The following MCTP1 variants were observed in gnomAD, a reference collection of about 807,000 sequenced individuals.
The protein encoded by MCTP1 is multiple C2 and transmembrane domain-containing protein 1.
In MCTP1, 69 loss-of-function variants were observed where a neutral mutation model predicts 120.6. The ratio of observed to expected loss-of-function variants is 0.57; its 90% confidence interval spans 0.47 to 0.70. The LOEUF (loss-of-function observed/expected upper bound fraction) is 0.70, where lower values mean the gene tolerates loss of function less well. Among genes scored for constraint, MCTP1 ranks in the 30% least tolerant of loss-of-function variants. The pLI is 0.00. For missense variants in MCTP1, 1,203 were observed against 1,248.8 expected (o/e 0.96, Z 0.55); for synonymous variants, 529 against 493.1 (o/e 1.07, Z -0.96).
intron 1 of MCTP1, among the ~76,000 whole-genome samples, chr5:95,048,633 C>A (rs1745149051): frequency 6.6e-6 from 1 of 152,146 alleles, no homozygotes; most frequent in Non-Finnish European, 1.5e-5. Flanking sequence ...GCCCAAGTAC[C>A]AAACTTGCTG....
At chr5:94,967,537 G>A (rs1825903187) in intron 2 of MCTP1, among the ~76,000 whole-genome samples, 1 of 152,200 alleles carries the variant, frequency 6.6e-6, no homozygotes, top group Non-Finnish European at 1.5e-5. Context: ...TATCCCTGAT[G>A]ACACTGTAAA....
chr5:94,889,309 C>T (rs1802008517), intron 11 of MCTP1, among the ~76,000 whole-genome samples: 1 of 152,048 alleles, frequency 6.6e-6, no homozygotes, highest in African/African-American at 2.4e-5. Context: ...TAAATTCAGG[C>T]CGGGAGCAGT....
intron 5 of MCTP1, among the ~76,000 whole-genome samples, chr5:94,934,737 G>GTTTTT (rs3030499): frequency 4.4e-5 from 6 of 136,578 alleles, no homozygotes; most frequent in African/African-American, 1.1e-4. Flanking sequence ...AGATAAAGAA[G>GTTTTT]TTTTTTTTTT....
intron 19 of MCTP1, among the ~76,000 whole-genome samples, chr5:94,774,889 C>A (rs1033880384): frequency 6.6e-6 from 1 of 152,128 alleles, no homozygotes; most frequent in East Asian, 1.9e-4. Context: ...CTAGAAAATG[C>A]CATTTTGTCA....
intron 1 of MCTP1, among the ~76,000 whole-genome samples, chr5:95,149,928 G>A (rs930824332): frequency 6.6e-6 from 1 of 152,070 alleles, no homozygotes; most frequent in Non-Finnish European, 1.5e-5. Flanking sequence ...ACTTCTCCTG[G>A]TTTCACATTG....
At chr5:95,146,492 C>T (rs1229969242) in intron 1 of MCTP1, among the ~76,000 whole-genome samples, 1 of 152,126 alleles carries the variant, frequency 6.6e-6, no homozygotes, top group Non-Finnish European at 1.5e-5. Context: ...AATTTGAAAT[C>T]TTTCTAACTT....
At chr5:95,130,233 T>G (rs1236811723) in intron 1 of MCTP1, among the ~76,000 whole-genome samples, 3 of 152,208 alleles carry the variant, frequency 2.0e-5, no homozygotes, top group African/African-American at 7.2e-5. Context: ...TAAATCCTAT[T>G]GATTCTGTTG....
At chr5:94,863,537 T>C (rs27901) in intron 17 of MCTP1, among the ~76,000 whole-genome samples, 37,265 of 151,784 alleles carry the variant, frequency 0.25, 4,889 homozygotes, top group Middle Eastern at 0.34. Context: ...AATGTGAATA[T>C]TAAGACTTAA....
intron 17 of MCTP1, among the ~76,000 whole-genome samples, chr5:94,825,262 G>T (rs12108971): frequency 0.037 from 5,698 of 152,200 alleles, 380 homozygotes; most frequent in African/African-American, 0.13. Context: ...TGGTTTCAAA[G>T]AACTTATTTA....
intron 1 of MCTP1, among the ~76,000 whole-genome samples, chr5:95,201,728 C>T (rs549225197): frequency 6.6e-6 from 1 of 151,944 alleles, no homozygotes; most frequent in African/African-American, 2.4e-5. Context: ...TGGTCTCAAA[C>T]TCCTGACCTC....
chr5:94,814,152 T>C (rs1055590935), intron 17 of MCTP1, among the ~76,000 whole-genome samples: 5 of 152,186 alleles, frequency 3.3e-5, no homozygotes, highest in African/African-American at 1.2e-4. Context: ...TGTTATGACA[T>C]ATAAATTATA....
At chr5:95,201,345 A>G (rs1311450653) in intron 1 of MCTP1, among the ~76,000 whole-genome samples, 6 of 152,146 alleles carry the variant, frequency 3.9e-5, no homozygotes, top group Non-Finnish European at 8.8e-5. Flanking sequence ...GGCACATTAA[A>G]GTTTGAAAAG....
chr5:94,815,024 C>T lies in MCTP1; in HGVS notation c.2437-15892G>A, dbSNP rs767098787. Among the ~76,000 whole-genome samples the T allele has an allele frequency of 1.6e-4, 25 of 152,246 alleles. No homozygotes were observed. In the East Asian group the frequency reaches 1.9e-3, roughly 12 times the overall value. On this transcript the variant is annotated intron_variant, in intron 17 of 22. Transcript: ENST00000515393. ...AACTCCTTAGCCCCACATTCGTCTA[C>T]GGGAAATACAGCAGGAATACATGTT...
At chr5:95,176,311 G>A (rs1003033773) in intron 1 of MCTP1, among the ~76,000 whole-genome samples, 1 of 152,138 alleles carries the variant, frequency 6.6e-6, no homozygotes, top group African/African-American at 2.4e-5. Context: ...GATCACTTGA[G>A]CCGAGGAGTT....
chr5:95,004,593 C>T (rs1258112453), intron 2 of MCTP1, among the ~76,000 whole-genome samples: 1 of 152,226 alleles, frequency 6.6e-6, no homozygotes, highest in Non-Finnish European at 1.5e-5. Context: ...GTCCTAGCTG[C>T]TCCAGCTCCA....
At chr5:94,938,589 A>G (rs1816789063) in intron 5 of MCTP1, among the ~76,000 whole-genome samples, 1 of 152,040 alleles carries the variant, frequency 6.6e-6, no homozygotes. Context: ...TTTCAGCAAT[A>G]TGTACCTCTT....
rs149164524 is a variant in MCTP1, at chr5:94,738,778, C to T, written c.2611-23892G>A. ...TGTAATGTGAAAAACACCTTGAGGACGGCGATTGTTGTGTGTTTTAAAATA... is the reference window on the plus strand; with the variant it reads ...TGTAATGTGAAAAACACCTTGAGGATGGCGATTGTTGTGTGTTTTAAAATA... On this transcript the variant is annotated intron_variant, in intron 19 of 22. Coordinates refer to ENST00000515393, the MANE Select transcript of MCTP1 (RefSeq NM_024717.7). Among the ~76,000 whole-genome samples the T allele has an allele frequency of 5.3e-3, 814 of 152,234 alleles. 9 individuals are homozygous for T. Among genetic ancestry groups the T allele is most frequent in the African/African-American group, 0.018 (766 of 41,540 alleles).
At chr5:95,015,494 G>A (rs1836918383) in intron 2 of MCTP1, among the ~76,000 whole-genome samples, 1 of 151,966 alleles carries the variant, frequency 6.6e-6, no homozygotes, top group African/African-American at 2.4e-5. Flanking sequence ...CTTGCCATCT[G>A]TTATTTACCT....
chr5:94,713,090 C>A (rs757396921), intron 20 of MCTP1, among the ~76,000 whole-genome samples: 4 of 152,218 alleles, frequency 2.6e-5, no homozygotes, highest in Middle Eastern at 3.4e-3. Context: ...CAAGAAAGTT[C>A]TGGAATGATT....
Sources: allele counts gnomAD v4.1 joint callset (sites outside exome capture counted in the v4.1 genomes callset), GRCh38; gene constraint gnomAD v4.1.1; transcripts MANE v1.5; gene names NCBI Gene and HGNC (gene_info 2026-07-23, HGNC 2026-07-21).